Variants in HYKK observed in about 807,000 individuals in gnomAD.
The protein encoded by HYKK is hydroxylysine kinase.
HYKK carries 19 observed loss-of-function variants against 29.7 expected under a neutral mutation model. The ratio of observed to expected loss-of-function variants is 0.64; its 90% CI spans 0.45 to 0.94. The LOEUF (loss-of-function observed/expected upper bound fraction) is 0.94. Ranked by LOEUF, HYKK falls within the 40% of genes least tolerant of loss-of-function variation. The pLI, the probability that HYKK is intolerant of heterozygous loss-of-function variation, is 0.00. For missense variants in HYKK, 390 were observed against 443.4 expected, an observed-to-expected ratio of 0.88 and a Z score of 1.08; for synonymous variants, 152 against 158.1, an observed-to-expected ratio of 0.96 and a Z score of 0.29.
chr15:78,513,660 A>G (rs2052098545), intron 2 of HYKK, among the ~76,000 whole-genome samples: 1 of 152,226 alleles, frequency 6.6e-6, no homozygotes. Flanking sequence ...TTAGAGCCCA[A>G]TGTGGTATAA....
At chr15:78,537,356 G>GT (rs2052371386), downstream of HYKK, 2 of 635,486 alleles carry the variant, frequency 3.1e-6, no homozygotes, top group Admixed American at 4.8e-5. Context: ...TGAATAAACT[G>GT]TAAGAATGAA....
Position 78,515,121 on chromosome 15 carries a change from CTTTAT to C in HYKK, c.477+21_477+25del. The C allele has an allele frequency of 6.5e-7, 1 of 1,529,260 alleles. No homozygotes were observed. The highest frequency in any genetic ancestry group is 8.8e-7 in the Non-Finnish European group (1 of 1,137,816). 94.7% of individuals were successfully genotyped at this position (1,529,260 alleles called of 1,614,324 possible). A position where few individuals can be genotyped will look rare whatever the true frequency, so the allele number is the denominator to read the frequency against. ...AAGACACTGCAGGTAAGATTTGGGG[CTTTAT>C]TTTATTCTAAGGGATGTTTGTTTGC... is the stretch of plus-strand genomic sequence containing the variant. On this transcript the variant is annotated intron_variant, in intron 3 of 4. Transcript: ENST00000388988.
chr15:78,515,166 TTAAAA>T, intron 3 of HYKK, 59 bp downstream of exon 3: 1 of 1,316,370 alleles, frequency 7.6e-7, no homozygotes, highest in Non-Finnish European at 1.0e-6. Flanking sequence ...TATTTTATTT[TTAAAA>T]TAAAGTATGG....
At chr15:78,525,464 C>G (rs1393433015) in intron 3 of HYKK, among the ~76,000 whole-genome samples, 2 of 147,706 alleles carry the variant, frequency 1.4e-5, no homozygotes, top group Non-Finnish European at 3.0e-5. Flanking sequence ...CCTAGAGGAA[C>G]TTTTAAAAGA....
At chr15:78,511,097 A>C (rs549628853) in intron 1 of HYKK, among the ~76,000 whole-genome samples, 1 of 151,270 alleles carries the variant, frequency 6.6e-6, no homozygotes, top group Non-Finnish European at 1.5e-5. Flanking sequence ...GGTATGAGCC[A>C]CTGTGCCCAG....
intron 3 of HYKK, among the ~76,000 whole-genome samples, chr15:78,521,237 G>A (rs2052193060): frequency 6.6e-6 from 1 of 152,002 alleles, no homozygotes; most frequent in South Asian, 2.1e-4. Context: ...CAAGTGAAGG[G>A]ACCAACTAGT....
In HYKK at chr15:78,528,329, C is replaced by T. The variant is rs949098844; in HGVS notation, c.661+766C>T. 2.5e-5 allele frequency: 15 copies of T among 609,796 alleles called. No individual in the cohort carries two copies. In the African/African-American group the frequency reaches 3.0e-4, roughly 12 times the overall value. 37.8% of individuals were successfully genotyped at this position (609,796 alleles called of 1,614,324 possible). On this transcript the variant is annotated intron_variant, in intron 4 of 4. Transcript: ENST00000388988. Reference sequence around the variant, plus strand: ...GAAACAGTTTTATCCCAAAACCATCCTTCCGCTGTCTCCTGTCCATGGAAA... The same window carrying T: ...GAAACAGTTTTATCCCAAAACCATCTTTCCGCTGTCTCCTGTCCATGGAAA...
At chr15:78,515,610 A>G (rs2052124198) in intron 3 of HYKK, among the ~76,000 whole-genome samples, 1 of 144,950 alleles carries the variant, frequency 6.9e-6, no homozygotes, top group Non-Finnish European at 1.5e-5. Context: ...TTTTTTTGAG[A>G]CAGAATCTCG....
rs201674678 is a variant in HYKK at position 78,527,485 on chromosome 15, C to A, written c.583C>A (p.Arg195=). 1.9e-5 allele frequency: 31 copies of A among 1,614,064 alleles called. No homozygotes were observed. The highest frequency in any genetic ancestry group is 2.6e-5 in the Non-Finnish European group (31 of 1,180,000). The change falls in exon 4 of 5, where the codon CGA becomes AGA. Residue 195 remains arginine (R), a synonymous_variant. Transcript: ENST00000388988. ...EKYLYALGQN[R]NREIVEHVIH... is the part of the protein sequence containing the mutation. ...ATACCTGTATGCCCTGGGCCAGAAT[C>A]GAAACCGAGAGATTGTTGAGCATGT...
intron 2 of HYKK, 81 bp from the exon 3 acceptor site, chr15:78,514,887 T>TG: frequency 2.1e-6 from 1 of 478,616 alleles, no homozygotes; most frequent in Non-Finnish European, 2.9e-6. Flanking sequence ...TATATCTAAA[T>TG]ACCTCTCTCT....
intron 3 of HYKK, chr15:78,518,499 G>A: frequency 2.3e-6 from 1 of 433,630 alleles, no homozygotes; most frequent in Non-Finnish European, 4.7e-6. Context: ...CATTCTCTCA[G>A]GGATCACTGT....
Position 78,507,691 on chromosome 15 carries a change from G to A in HYKK, c.-6+20G>A, listed in dbSNP as rs1312651358. 2.0e-5 allele frequency: 3 copies of A among 152,416 alleles called. No individual in the cohort carries two copies. The East Asian group carries it at 5.8e-4, about 29-fold the overall frequency. 9.4% of individuals were successfully genotyped at this position (152,416 alleles called of 1,614,324 possible). On this transcript the variant is annotated intron_variant, in intron 1 of 4. Coordinates refer to ENST00000388988, the MANE Select transcript of HYKK (RefSeq NM_001013619.4). Reference sequence around the variant, plus strand: ...CTGCCGGTGAGCCAAGGAGGGGGAAGCAGAGACGAGCCCTGCGTCCCCGCT... The same window carrying A: ...CTGCCGGTGAGCCAAGGAGGGGGAAACAGAGACGAGCCCTGCGTCCCCGCT...
chr15:78,528,299 G>A (rs1367161373), intron 4 of HYKK: 1 of 321,856 alleles, frequency 3.1e-6, no homozygotes, highest in Non-Finnish European at 4.5e-6. Flanking sequence ...CTGATGATCT[G>A]AGATGAAACA....
At chr15:78,516,980 C>CT (rs558714241) in intron 3 of HYKK, among the ~76,000 whole-genome samples, 155 of 151,838 alleles carry the variant, frequency 1.0e-3, no homozygotes, top group Admixed American at 3.0e-3. Flanking sequence ...TATCGCACCA[C>CT]TGCACTCCAG....
intron 2 of HYKK, among the ~76,000 whole-genome samples, chr15:78,514,573 T>C (rs2052107669): frequency 6.6e-6 from 1 of 152,210 alleles, no homozygotes; most frequent in Non-Finnish European, 1.5e-5. Context: ...GTCATTTATT[T>C]GTACCTCACT....
At chr15:78,527,672 GC>G (rs912632178) in intron 4 of HYKK, 109 bp downstream of exon 4, 14 of 1,469,220 alleles carry the variant, frequency 9.5e-6, no homozygotes, top group Non-Finnish European at 1.3e-5. Flanking sequence ...TTAAAATTTT[GC>G]CATATTTGCT....
chr15:78,517,668 G>A (rs142793548), intron 3 of HYKK, among the ~76,000 whole-genome samples: 54 of 152,238 alleles, frequency 3.5e-4, no homozygotes, highest in African/African-American at 1.3e-3. Flanking sequence ...TGTTTGTTAT[G>A]CTTGTCATTC....
intron 3 of HYKK, among the ~76,000 whole-genome samples, chr15:78,521,195 G>A (rs1434947432): frequency 6.6e-6 from 1 of 152,104 alleles, no homozygotes; most frequent in Non-Finnish European, 1.5e-5. Flanking sequence ...CAGGAGTTCT[G>A]GGGATTGTAG....
At chr15:78,516,188 A>G (rs924617109) in intron 3 of HYKK, among the ~76,000 whole-genome samples, 3 of 152,140 alleles carry the variant, frequency 2.0e-5, no homozygotes, top group Admixed American at 6.6e-5. Context: ...CATTTATTCA[A>G]TATTGACTGA....
Sources: allele counts gnomAD v4.1 joint callset (sites outside exome capture counted in the v4.1 genomes callset), GRCh38; gene constraint gnomAD v4.1.1; transcripts MANE v1.5; gene names NCBI Gene and HGNC (gene_info 2026-07-23, HGNC 2026-07-21).